The following MAP4 variants were observed in gnomAD, a reference collection of about 807,000 sequenced individuals.
MAP4 encodes microtubule-associated protein 4.
Under a neutral mutation model 170.2 loss-of-function variants are expected in MAP4, and 76 were observed. That is an observed-to-expected ratio of 0.45 (90% confidence interval 0.37 to 0.54). MAP4 has a LOEUF of 0.54. Among genes scored for constraint, MAP4 ranks in the 20% least tolerant of loss-of-function variants. MAP4 has a pLI of 0.00. For missense variants in MAP4, 2,506 were observed against 2,748.0 expected (o/e 0.91, Z 1.97); for synonymous variants, 909 against 994.5 (o/e 0.91, Z 1.62).
chr3:48,082,094 G>A (rs1448187602), intron 1 of MAP4, among the ~76,000 whole-genome samples: 1 of 152,192 alleles, frequency 6.6e-6, no homozygotes, highest in African/African-American at 2.4e-5. Context: ...ATGGGTCCAT[G>A]TTGACATAAA....
intron 1 of MAP4, among the ~76,000 whole-genome samples, chr3:48,080,823 A>G (rs1373512970): frequency 6.6e-6 from 1 of 152,106 alleles, no homozygotes; most frequent in Non-Finnish European, 1.5e-5. Context: ...TACTAAAAAA[A>G]TACAAAAAAT....
rs1232744747 is a variant in MAP4 at position 47,916,781 on chromosome 3, G to A, written c.1046C>T (p.Thr349Ile). 6.2e-7 allele frequency: 1 copy of A among 1,614,062 alleles called. No homozygotes were observed. Among genetic ancestry groups the A allele is most frequent in the Non-Finnish European group, 8.5e-7 (1 of 1,180,028 alleles). ...ETEVAPAKDV[T>I]LLKETERASP... ...TGCCCTCTCTGTTTCTTTCAACAGTGTCACATCCTTGGCTGGGGCTACCTC... is the reference window on the plus strand; with the variant it reads ...TGCCCTCTCTGTTTCTTTCAACAGTATCACATCCTTGGCTGGGGCTACCTC... The change falls in exon 7 of 21, where the codon ACA becomes ATA. Residue 349 changes from threonine to isoleucine, a missense_variant. Thr to Ile is a moderately conservative substitution (Grantham distance 89, BLOSUM62 -1). Around this residue, in one of 3 missense-constraint regions of MAP4, gnomAD observed 2,008 missense variants for 2,206.0 expected, o/e 0.91. Coordinates refer to ENST00000683076, the MANE Select transcript of MAP4 (RefSeq NM_001385682.1).
chr3:48,029,457 G>T (rs750113998), intron 1 of MAP4, among the ~76,000 whole-genome samples: 2 of 151,990 alleles, frequency 1.3e-5, no homozygotes, highest in African/African-American at 2.4e-5. Context: ...ATAAGTAAAT[G>T]CATATTTTTT....
intron 2 of MAP4, among the ~76,000 whole-genome samples, chr3:47,988,304 A>G (rs1227718258): frequency 6.6e-6 from 1 of 152,064 alleles, no homozygotes; most frequent in African/African-American, 2.4e-5. Context: ...GATGCTGGTG[A>G]ATGACCCAAT....
chr3:47,907,103 G>A (rs1441828106), intron 9 of MAP4, among the ~76,000 whole-genome samples: 1 of 152,138 alleles, frequency 6.6e-6, no homozygotes, highest in Non-Finnish European at 1.5e-5. Context: ...CCAAAGTGCT[G>A]GGATTATAGG....
At chr3:48,020,350 G>A (rs760020077), upstream of MAP4, among the ~76,000 whole-genome samples, 2 of 152,206 alleles carry the variant, frequency 1.3e-5, no homozygotes, top group Non-Finnish European at 2.9e-5. Context: ...GTCCTGCTAG[G>A]TGCGCTCTGC....
At chr3:47,981,643 G>A (rs1023411442) in intron 2 of MAP4, among the ~76,000 whole-genome samples, 2 of 151,428 alleles carry the variant, frequency 1.3e-5, no homozygotes, top group Non-Finnish European at 2.9e-5. Flanking sequence ...AGTGGCGTGT[G>A]AATCACAACT....
intron 3 of MAP4, among the ~76,000 whole-genome samples, chr3:47,950,888 C>T (rs1018170211): frequency 1.3e-5 from 2 of 152,072 alleles, no homozygotes; most frequent in East Asian, 1.9e-4. Flanking sequence ...AAAATTTCTA[C>T]GGAATTCAAT....
intron 1 of MAP4, among the ~76,000 whole-genome samples, chr3:48,043,115 T>C (rs1348472978): frequency 1.3e-5 from 2 of 152,208 alleles, no homozygotes; most frequent in Non-Finnish European, 2.9e-5. Flanking sequence ...TTTATTTATT[T>C]TTTGTGATGG....
Position 47,916,486 on chromosome 3 carries a change from G to C in MAP4, c.1341C>G (p.Ala447=). ...ALSSETEVAL[A]RDMTLPPETN... ...TTTCCGGGGGCAGTGTCATGTCCCTGGCCAGGGCTACCTCTGTTTCTGAGG... is the reference window on the plus strand; with the variant it reads ...TTTCCGGGGGCAGTGTCATGTCCCTCGCCAGGGCTACCTCTGTTTCTGAGG... The change falls in exon 7 of 21, where the codon GCC becomes GCG. Residue 447 remains alanine (A), a synonymous_variant. Coordinates refer to ENST00000683076, the MANE Select transcript of MAP4 (RefSeq NM_001385682.1). The C allele has an allele frequency of 6.2e-7, 1 of 1,614,216 alleles. No homozygotes were observed. The highest frequency in any genetic ancestry group is 8.5e-7 in the Non-Finnish European group (1 of 1,180,042).
At chr3:48,056,636 C>T (rs1349513140) in intron 1 of MAP4, among the ~76,000 whole-genome samples, 3 of 123,100 alleles carry the variant, frequency 2.4e-5, no homozygotes, top group African/African-American at 7.8e-5. Flanking sequence ...GCCCCCCGCC[C>T]GGCCAGCCGC....
intron 20 of MAP4, 53 bp from the exon 21 acceptor site, chr3:47,852,991 G>A (rs774779320): frequency 6.8e-6 from 11 of 1,614,206 alleles, no homozygotes; most frequent in Non-Finnish European, 9.3e-6. Context: ...AGACAAGAGG[G>A]GAACACGGGG....
At chr3:48,049,149 T>A (rs1327344678) in intron 1 of MAP4, among the ~76,000 whole-genome samples, 1 of 152,374 alleles carries the variant, frequency 6.6e-6, no homozygotes, top group East Asian at 1.9e-4. Context: ...GCTATGGATG[T>A]CATATGTTTT....
chr3:47,928,263 A>C lies in MAP4; in HGVS notation c.380T>G (p.Phe127Cys). 3 of 1,614,198 alleles carry C rather than the reference A, an allele frequency of 1.9e-6. No homozygotes were observed. Among genetic ancestry groups the C allele is most frequent in the Non-Finnish European group, 1.7e-6 (2 of 1,180,036 alleles). ...QNWPEDTNFC[F>C]QPEQVVDPIQ... is the part of the protein sequence containing the mutation. ...AGGATCGACCACTTGCTCAGGTTGG[A>C]AACAAAAGTTGGTATCTTCTGGCCA... is the stretch of plus-strand genomic sequence containing the variant. Residue 127 changes from phenylalanine (F) to cysteine (C), a missense_variant, in exon 4 of 21, where the codon TTC becomes TGC. By Grantham distance (205) the Phe-to-Cys change is radical. Around this residue, in one of 3 missense-constraint regions of MAP4, gnomAD observed 2,008 missense variants for 2,206.0 expected, o/e 0.91. Coordinates refer to ENST00000683076, the MANE Select transcript of MAP4 (RefSeq NM_001385682.1).
chr3:47,913,666 T>C (rs2100037090), intron 8 of MAP4, among the ~76,000 whole-genome samples: 1 of 152,196 alleles, frequency 6.6e-6, no homozygotes, highest in Non-Finnish European at 1.5e-5. Context: ...GATAAATCTT[T>C]ACTGATTTGT....
chr3:48,035,299 GA>G (rs2100118259), intron 1 of MAP4, among the ~76,000 whole-genome samples: 1 of 130,694 alleles, frequency 7.7e-6, no homozygotes, highest in African/African-American at 2.8e-5. Flanking sequence ...AATTGAAGAA[GA>G]AAAAGGAAAA....
intron 1 of MAP4, among the ~76,000 whole-genome samples, chr3:48,022,971 G>A (rs1289352825): frequency 6.6e-6 from 1 of 152,076 alleles, no homozygotes; most frequent in African/African-American, 2.4e-5. Flanking sequence ...AATGAAAAAT[G>A]AACACAGCAT....
chr3:47,938,452 C>T (rs182638319), intron 3 of MAP4, among the ~76,000 whole-genome samples: 4 of 152,274 alleles, frequency 2.6e-5, no homozygotes, highest in Non-Finnish European at 5.9e-5. Flanking sequence ...CAGCTCACTG[C>T]GGCCTCAACT....
intron 1 of MAP4, among the ~76,000 whole-genome samples, chr3:48,012,875 A>G (rs1426325381): frequency 1.3e-5 from 2 of 152,194 alleles, no homozygotes; most frequent in African/African-American, 4.8e-5. Flanking sequence ...CACCACATAA[A>G]TAGAATATGA....
Sources: gnomAD v4.1 joint callset for allele counts (sites outside exome capture counted in the v4.1 genomes callset) on GRCh38, gnomAD v4.1.1 for gene constraint, gnomAD v4.1.1 regional missense constraint, MANE v1.5 for transcripts, NCBI Gene and HGNC (gene_info 2026-07-23, HGNC 2026-07-21) for gene names.